The following NFXL1 variants were observed in gnomAD, a reference collection of about 807,000 sequenced individuals.
The protein encoded by NFXL1 is NF-X1-type zinc finger protein NFXL1.
Under a neutral mutation model 123.3 loss-of-function variants are expected in NFXL1, and 66 were observed. That is an observed-to-expected ratio of 0.54 (90% CI 0.44 to 0.66). NFXL1 has a LOEUF of 0.66. NFXL1 is among the 30% of genes least tolerant of loss of function. NFXL1 has a pLI of 0.00. For missense variants in NFXL1, 944 were observed against 1,125.6 expected (o/e 0.84, Z 2.31); for synonymous variants, 346 against 360.8 (o/e 0.96, Z 0.46).
intron 3 of NFXL1, among the ~76,000 whole-genome samples, chr4:47,905,579 T>G (rs998480526): frequency 1.3e-5 from 2 of 152,190 alleles, no homozygotes; most frequent in African/African-American, 4.8e-5. Flanking sequence ...GCTCTCTCTC[T>G]CAGTTATACT....
chr4:47,855,115 G>T lies in NFXL1; in HGVS notation c.2365C>A (p.Pro789Thr), dbSNP rs1158763493. ...TTTACCTTCTGGTTGCAGTTAAAGGGACATTCACCAGGATGACACATCTCT... is the reference window on the plus strand; with the variant it reads ...TTTACCTTCTGGTTGCAGTTAAAGGTACATTCACCAGGATGACACATCTCT... ...CKEMCHPGEC[P>T]FNCNQKVKLR... Residue 789 changes from proline to threonine, a missense_variant, in exon 20 of 23, where the codon CCC becomes ACC. By Grantham distance (38) the Pro-to-Thr change is conservative (BLOSUM62 -1). Coordinates refer to ENST00000507489, the MANE Select transcript of NFXL1 (RefSeq NM_001278624.2). 1 of 1,589,760 alleles carries T rather than the reference G, an allele frequency of 6.3e-7. No homozygotes were observed. Among genetic ancestry groups the T allele is most frequent in the Non-Finnish European group, 8.6e-7 (1 of 1,164,078 alleles).
chr4:47,874,383 G>C (rs1166758087), intron 18 of NFXL1, among the ~76,000 whole-genome samples: 2 of 152,158 alleles, frequency 1.3e-5, no homozygotes, highest in African/African-American at 4.8e-5. Flanking sequence ...GGCCACTGTA[G>C]AGTTATTAAT....
chr4:47,852,491 T>A (rs1192116692), intron 20 of NFXL1, among the ~76,000 whole-genome samples: 1 of 152,142 alleles, frequency 6.6e-6, no homozygotes, highest in Non-Finnish European at 1.5e-5. Context: ...GTGGCTACCA[T>A]CTCAGATAGT....
At position 47,908,752 on chromosome 4, in the gene NFXL1, A is replaced by G. The variant is rs1294927152; in HGVS notation, c.406+2072T>C. ...GGGCGGATCACGAGGTCAGGAGATC[A>G]AGACCATCCTGGCTAACACAGTAAA... On this transcript the variant is annotated intron_variant, in intron 3 of 22. Coordinates refer to ENST00000507489, the MANE Select transcript of NFXL1 (RefSeq NM_001278624.2). Among the ~76,000 whole-genome samples, 3 of 152,024 alleles carry G rather than the reference A, an allele frequency of 2.0e-5. No homozygotes were observed. In the East Asian group the frequency reaches 5.8e-4, roughly 30 times the overall value.
At chr4:47,897,040 T>C (rs1300003968) in intron 9 of NFXL1, among the ~76,000 whole-genome samples, 2 of 152,198 alleles carry the variant, frequency 1.3e-5, no homozygotes, top group Non-Finnish European at 2.9e-5. Flanking sequence ...AAACACCACC[T>C]GGCTGACACT....
chr4:47,862,890 C>A lies in NFXL1; in HGVS notation c.2272G>T (p.Glu758Ter). 5 of 1,580,316 alleles carry A rather than the reference C, an allele frequency of 3.2e-6. No individual in the cohort carries two copies. Among genetic ancestry groups the A allele is most frequent in the Non-Finnish European group, 4.3e-6 (5 of 1,166,760 alleles). Reference protein sequence around the residue: ...CRKITTADVNEKNLLSCCKNQ... With the variant: ...CRKITTADVN ...TTGCAACAACTGAGGAGGTTCTTTT[C>A]ATTTACATCAGCTGTGGTTATTTTT... Residue 758 changes from glutamate to a stop codon, truncating the protein, a stop_gained, in exon 19 of 23, where the codon GAA becomes TAA. Transcript: ENST00000507489. LOFTEE classifies it high-confidence loss of function.
intron 19 of NFXL1, among the ~76,000 whole-genome samples, chr4:47,860,565 G>A (rs1177662564): frequency 1.3e-5 from 2 of 152,116 alleles, no homozygotes; most frequent in African/African-American, 2.4e-5. Context: ...AACAGGCACT[G>A]GATACAAAGA....
chr4:47,910,929 C>A lies in NFXL1; in HGVS notation c.301G>T (p.Val101Phe). The A allele has an allele frequency of 2.5e-6, 4 of 1,609,144 alleles. No homozygotes were observed. The highest frequency in any genetic ancestry group is 3.4e-6 in the Non-Finnish European group (4 of 1,177,838). The change falls in exon 3 of 23, where the codon GTT becomes TTT. Residue 101 changes from valine to phenylalanine, a missense_variant. Val to Phe is a conservative substitution (Grantham distance 50). This residue lies in a region of NFXL1 where 303 missense variants were observed against 292.1 expected (regional missense o/e 1.04). Transcript: ENST00000507489. ...KANQAAARKL[V>F]EEQFSSSSEE... ...GATGAAGAGCTAAACTGTTCTTCAACAAGTTTTCTGGCTGCAGCTTGGTTA... is the reference window on the plus strand; with the variant it reads ...GATGAAGAGCTAAACTGTTCTTCAAAAAGTTTTCTGGCTGCAGCTTGGTTA...
At chr4:47,913,933 C>A in intron 2 of NFXL1, 36 bp downstream of exon 2, 1 of 1,459,106 alleles carries the variant, frequency 6.9e-7, no homozygotes, top group Non-Finnish European at 9.3e-7. Context: ...CCTTAGGAGG[C>A]ATCCAGGTGA....
At chr4:47,891,124 T>TTTCTTTTTTTTA (rs1736745348) in intron 11 of NFXL1, among the ~76,000 whole-genome samples, 2 of 150,798 alleles carry the variant, frequency 1.3e-5, no homozygotes, top group Non-Finnish European at 3.0e-5. Context: ...CTTTTTTTTT[T>TTTCTTTTTTTTA]TTTTCTTGAG....
At chr4:47,861,976 A>G (rs991603925) in intron 19 of NFXL1, among the ~76,000 whole-genome samples, 7 of 152,206 alleles carry the variant, frequency 4.6e-5, no homozygotes, top group African/African-American at 1.4e-4. Context: ...TAAGGGCATA[A>G]AGACAATTTA....
intron 19 of NFXL1, among the ~76,000 whole-genome samples, chr4:47,860,902 G>C (rs1734727885): frequency 6.6e-6 from 1 of 151,500 alleles, no homozygotes; most frequent in Admixed American, 6.6e-5. Flanking sequence ...GCCCAAGCTG[G>C]AGTGCAATGG....
At chr4:47,867,682 C>T (rs931835669) in intron 18 of NFXL1, among the ~76,000 whole-genome samples, 2 of 151,946 alleles carry the variant, frequency 1.3e-5, no homozygotes, top group African/African-American at 4.8e-5. Context: ...AAAGAAACAA[C>T]TTTAGGGGTC....
At position 47,878,634 on chromosome 4, in the gene NFXL1, G is replaced by C; in HGVS notation, c.1970C>G (p.Pro657Arg). The C allele has an allele frequency of 6.2e-7, 1 of 1,600,702 alleles. No individual in the cohort carries two copies. Residue 657 changes from proline (P) to arginine (R), a missense_variant, in exon 17 of 23, where the codon CCC becomes CGC. By Grantham distance (103) the Pro-to-Arg change is moderately radical. Coordinates refer to ENST00000507489, the MANE Select transcript of NFXL1 (RefSeq NM_001278624.2). ...VSPLPCHAVG[P>R]YSCKRVCGRI... is the part of the protein sequence containing the mutation. ...TCCACAAACTCTTTTACAAGAGTAG[G>C]GTCCTACAGCATGGCATGGTAGTGG... is the stretch of plus-strand genomic sequence containing the variant.
chr4:47,864,105 C>T (rs765895167), intron 18 of NFXL1, among the ~76,000 whole-genome samples: 1 of 152,124 alleles, frequency 6.6e-6, no homozygotes, highest in Admixed American at 6.5e-5. Context: ...TATGCTGGCT[C>T]TATTAAACAC....
chr4:47,899,253 C>T, intron 6 of NFXL1, 117 bp downstream of exon 6: 2 of 1,279,836 alleles, frequency 1.6e-6, no homozygotes, highest in African/African-American at 3.0e-5. Flanking sequence ...CAATAACTTT[C>T]AATATTTTCT....
intron 10 of NFXL1, among the ~76,000 whole-genome samples, chr4:47,895,133 G>A (rs1232220186): frequency 6.6e-6 from 1 of 151,982 alleles, no homozygotes; most frequent in African/African-American, 2.4e-5. Context: ...CTCAAGAGTG[G>A]GCTTATAACC....
chr4:47,864,162 A>T (rs1358247411), intron 18 of NFXL1, among the ~76,000 whole-genome samples: 1 of 152,020 alleles, frequency 6.6e-6, no homozygotes, highest in Non-Finnish European at 1.5e-5. Context: ...CTCTGAACTT[A>T]AAGAGTTAAT....
Position 47,875,150 on chromosome 4 carries a change from G to A in NFXL1, c.2223C>T (p.Ile741=). 6.2e-7 allele frequency: 1 copy of A among 1,610,668 alleles called. No homozygotes were observed. The change falls in exon 18 of 23, where the codon ATC becomes ATT. Residue 741 remains isoleucine (I), a synonymous_variant. Coordinates refer to ENST00000507489, the MANE Select transcript of NFXL1 (RefSeq NM_001278624.2). The part of the protein sequence containing the change: ...QMLRIKCHCK[I]TSLYVECRKI... ...ACCTACATTCCACATACAGGCTTGTGATCTTACAGTGACATTTTATTCTAA... is the reference window on the plus strand; with the variant it reads ...ACCTACATTCCACATACAGGCTTGTAATCTTACAGTGACATTTTATTCTAA...
Sources: gnomAD v4.1 joint callset for allele counts (sites outside exome capture counted in the v4.1 genomes callset) on GRCh38, gnomAD v4.1.1 for gene constraint, gnomAD v4.1.1 regional missense constraint, MANE v1.5 for transcripts, NCBI Gene and HGNC (gene_info 2026-07-23, HGNC 2026-07-21) for gene names.